The following CPNE8 variants were observed in gnomAD, a reference collection of about 807,000 sequenced individuals.
CPNE8 encodes copine 8, also known as copine-8.
CPNE8 carries 45 observed loss-of-function variants against 81.5 expected under a neutral mutation model. The ratio of observed to expected loss-of-function variants is 0.55; its 90% CI spans 0.44 to 0.71. The LOEUF (loss-of-function observed/expected upper bound fraction) is 0.71, where lower values mean the gene tolerates loss of function less well. Among genes scored for constraint, CPNE8 ranks in the 30% least tolerant of loss-of-function variants. The pLI is 0.00. For missense variants in CPNE8, 594 were observed against 672.1 expected, an observed-to-expected ratio of 0.88 and a Z score of 1.28; for synonymous variants, 252 against 226.3, an observed-to-expected ratio of 1.11 and a Z score of -1.02.
At chr12:38,900,348 C>T (rs768933563) in intron 1 of CPNE8, among the ~76,000 whole-genome samples, 1 of 152,106 alleles carries the variant, frequency 6.6e-6, no homozygotes, top group African/African-American at 2.4e-5. Context: ...GCTATGGGAC[C>T]TAGGAATGAT....
At chr12:38,706,931 G>A (rs962098908) in intron 13 of CPNE8, among the ~76,000 whole-genome samples, 5 of 152,116 alleles carry the variant, frequency 3.3e-5, no homozygotes, top group Non-Finnish European at 4.4e-5. Context: ...AGATGCAAAC[G>A]TCCTCTCAAA....
chr12:38,784,879 A>G (rs568883213), intron 6 of CPNE8, among the ~76,000 whole-genome samples: 2 of 152,296 alleles, frequency 1.3e-5, no homozygotes, highest in African/African-American at 4.8e-5. Flanking sequence ...AGAAATGCTA[A>G]AGAGAATATC....
At chr12:38,795,571 C>A (rs746935487) in intron 6 of CPNE8, among the ~76,000 whole-genome samples, 2 of 152,114 alleles carry the variant, frequency 1.3e-5, no homozygotes, top group Non-Finnish European at 2.9e-5. Flanking sequence ...CCATAACATA[C>A]TACAAGAATG....
At chr12:38,662,898 C>T (rs903962077) in intron 19 of CPNE8, among the ~76,000 whole-genome samples, 1 of 152,002 alleles carries the variant, frequency 6.6e-6, no homozygotes, top group African/African-American at 2.4e-5. Flanking sequence ...GAAAGAACAC[C>T]CTTTTCATTA....
chr12:38,766,276 T>C (rs1941687680), intron 8 of CPNE8, among the ~76,000 whole-genome samples: 1 of 152,154 alleles, frequency 6.6e-6, no homozygotes, highest in Admixed American at 6.5e-5. Flanking sequence ...AGAAAACTAA[T>C]AAGAATAAAA....
rs906732197 is a variant in CPNE8 at position 38,852,302 on chromosome 12, G to A, written c.187-3640C>T. ...AAATTAGCCAGGCGTGGTGGCAGGC[G>A]CCTGTAGCCCCAGCTACTCGGGAGG... On this transcript the variant is annotated intron_variant, in intron 3 of 19. Transcript: ENST00000331366. Among the ~76,000 whole-genome samples the A allele has an allele frequency of 8.9e-4, 135 of 151,810 alleles. 1 individual carries two copies. Among genetic ancestry groups the A allele is most frequent in the African/African-American group, 3.0e-3 (126 of 41,392 alleles).
At chr12:38,710,108 T>A (rs1390178639) in intron 13 of CPNE8, among the ~76,000 whole-genome samples, 1 of 151,952 alleles carries the variant, frequency 6.6e-6, no homozygotes, top group Non-Finnish European at 1.5e-5. Flanking sequence ...TTTCTATATT[T>A]TTTTCACACA....
chr12:38,781,490 C>T (rs1340740932), intron 6 of CPNE8, among the ~76,000 whole-genome samples: 1 of 151,892 alleles, frequency 6.6e-6, no homozygotes, highest in African/African-American at 2.4e-5. Flanking sequence ...AATCAGTACA[C>T]CTACATTAAT....
chr12:38,704,008 C>A (rs1940022338), intron 13 of CPNE8, among the ~76,000 whole-genome samples: 1 of 152,144 alleles, frequency 6.6e-6, no homozygotes, highest in Non-Finnish European at 1.5e-5. Flanking sequence ...GGACAGAAAG[C>A]AAACACCACG....
In CPNE8 at chr12:38,693,652, C is replaced by A; in HGVS notation, c.1143+5G>T. ...AAACATCAAATCCTTTTGACAAATT[C>A]TTACCAAAGCAAATTCGTGAGATAT... On this transcript the variant is annotated splice_donor_5th_base_variant and intron_variant, in intron 15 of 19. Coordinates refer to ENST00000331366, the MANE Select transcript of CPNE8 (RefSeq NM_153634.3). The A allele has an allele frequency of 6.2e-7, 1 of 1,604,752 alleles. No homozygotes were observed. The highest frequency in any genetic ancestry group is 1.7e-5 in the Admixed American group (1 of 58,600).
intron 15 of CPNE8, among the ~76,000 whole-genome samples, chr12:38,686,812 C>T (rs1939545033): frequency 6.6e-6 from 1 of 152,130 alleles, no homozygotes; most frequent in South Asian, 2.1e-4. Context: ...CATAACATGG[C>T]AGCTAACTTT....
intron 13 of CPNE8, among the ~76,000 whole-genome samples, chr12:38,709,133 C>T (rs746430808): frequency 1.3e-5 from 2 of 152,172 alleles, no homozygotes; most frequent in Non-Finnish European, 2.9e-5. Context: ...CCTTGATTTA[C>T]CAATATGTAT....
chr12:38,905,405 G>T, intron 1 of CPNE8, 32 bp downstream of exon 1: 1 of 1,547,098 alleles, frequency 6.5e-7, no homozygotes, highest in Non-Finnish European at 8.7e-7. Context: ...CAGATGAGAG[G>T]GCAGGAGAGA....
At chr12:38,785,340 A>G (rs1942157169) in intron 6 of CPNE8, among the ~76,000 whole-genome samples, 1 of 151,770 alleles carries the variant, frequency 6.6e-6, no homozygotes, top group Non-Finnish European at 1.5e-5. Flanking sequence ...AAGTAGAAAG[A>G]CTAAAAAATT....
At chr12:38,837,288 T>C (rs1275349686) in intron 5 of CPNE8, among the ~76,000 whole-genome samples, 1 of 152,112 alleles carries the variant, frequency 6.6e-6, no homozygotes, top group African/African-American at 2.4e-5. Flanking sequence ...CTGAGTAAAC[T>C]GTGTTGATGA....
chr12:38,776,275 G>A lies in CPNE8; in HGVS notation c.434C>T (p.Thr145Ile), dbSNP rs745826037. 28 of 1,542,866 alleles carry A rather than the reference G, an allele frequency of 1.8e-5. No individual in the cohort carries two copies. Among genetic ancestry groups the A allele is most frequent in the Non-Finnish European group, 2.4e-5 (27 of 1,136,108 alleles). ...TAATTCCTCTGCTGTAAGTATGATTGTACCACATTTCTTCCCTGGAATTCC... is the reference window on the plus strand; with the variant it reads ...TAATTCCTCTGCTGTAAGTATGATTATACCACATTTCTTCCCTGGAATTCC... ...IVGIPGKKCG[T>I]IILTAEELNC... Residue 145 changes from threonine (T) to isoleucine (I), a missense_variant, in exon 7 of 20, where the codon ACA becomes ATA. Thr to Ile is a moderately conservative substitution (Grantham distance 89). Coordinates refer to ENST00000331366, the MANE Select transcript of CPNE8 (RefSeq NM_153634.3).
intron 7 of CPNE8, among the ~76,000 whole-genome samples, chr12:38,769,898 A>C (rs1387276979): frequency 1.3e-5 from 2 of 152,170 alleles, no homozygotes; most frequent in Non-Finnish European, 2.9e-5. Flanking sequence ...AAATTATATA[A>C]CCTTAGGAAA....
At chr12:38,812,221 C>G (rs1235314655) in intron 6 of CPNE8, among the ~76,000 whole-genome samples, 2 of 152,186 alleles carry the variant, frequency 1.3e-5, no homozygotes, top group Non-Finnish European at 1.5e-5. Flanking sequence ...ATAGTCCTAT[C>G]ATTTGAATGT....
intron 9 of CPNE8, 101 bp from the exon 10 acceptor site, chr12:38,760,989 G>C (rs1365982565): frequency 2.4e-6 from 2 of 847,780 alleles, no homozygotes; most frequent in East Asian, 5.8e-5. Flanking sequence ...ATAAAACAAT[G>C]TATGCTTGCA....
Sources: allele counts gnomAD v4.1 joint callset (sites outside exome capture counted in the v4.1 genomes callset), GRCh38; gene constraint gnomAD v4.1.1; transcripts MANE v1.5; gene names NCBI Gene and HGNC (gene_info 2026-07-23, HGNC 2026-07-21).